KIAA1549L: variants seen among roughly 807,000 people sequenced by gnomAD.
The protein encoded by KIAA1549L is KIAA1549 like.
Under a neutral mutation model 160.7 loss-of-function variants are expected in KIAA1549L, and 88 were observed. That is an observed-to-expected ratio of 0.55 (90% confidence interval 0.46 to 0.65). KIAA1549L has a LOEUF of 0.65. KIAA1549L is among the 30% of genes least tolerant of loss of function. KIAA1549L has a pLI of 0.00. For synonymous variants in KIAA1549L, 950 were observed against 976.7 expected, an observed-to-expected ratio of 0.97 and a Z score of 0.51; for missense variants, 2,258 against 2,437.5, an observed-to-expected ratio of 0.93 and a Z score of 1.55.
intron 1 of KIAA1549L, among the ~76,000 whole-genome samples, chr11:33,477,143 G>A (rs1852303230): frequency 6.6e-6 from 1 of 152,142 alleles, no homozygotes; most frequent in South Asian, 2.1e-4. Flanking sequence ...TTCAGTAGTA[G>A]CAGAGCTGTG....
chr11:33,393,649 G>A (rs967139843), intron 1 of KIAA1549L, among the ~76,000 whole-genome samples: 8 of 152,180 alleles, frequency 5.3e-5, no homozygotes, highest in East Asian at 1.9e-4. Context: ...AGGAACAACC[G>A]AGGCATGTTG....
chr11:33,603,409 CAA>C (rs1304443513), intron 13 of KIAA1549L, among the ~76,000 whole-genome samples: 1 of 151,966 alleles, frequency 6.6e-6, no homozygotes, highest in African/African-American at 2.4e-5. Flanking sequence ...ACTTGAAAAG[CAA>C]GAGAGAACTG....
At chr11:33,565,375 A>G (rs1247723460) in intron 8 of KIAA1549L, among the ~76,000 whole-genome samples, 2 of 152,186 alleles carry the variant, frequency 1.3e-5, no homozygotes, top group Non-Finnish European at 2.9e-5. Context: ...CGTTCCCTCA[A>G]GGGCCTTATG....
At chr11:33,626,864 G>A (rs1727738334) in intron 16 of KIAA1549L, among the ~76,000 whole-genome samples, 1 of 10,264 alleles carries the variant, frequency 9.7e-5, no homozygotes, top group Non-Finnish European at 1.9e-4. Context: ...TCCAGTTTTT[G>A]CCCATTCAGT....
Position 33,425,470 on chromosome 11 carries a change from A to G in KIAA1549L, c.238+48581A>G, listed in dbSNP as rs1851097239. On this transcript the variant is annotated intron_variant, in intron 1 of 20. Coordinates refer to ENST00000658780, the MANE Select transcript of KIAA1549L (RefSeq NM_012194.3). ...TTTTATACTTTGTACTGTAGCTTTC[A>G]TTGGAGAAGCCCTGGGCTCATAAGA... Among the ~76,000 whole-genome samples the G allele has an allele frequency of 2.6e-5, 4 of 152,312 alleles. No individual in the cohort carries two copies. The South Asian group carries it at 8.3e-4, about 32-fold the overall frequency.
chr11:33,569,176 A>G (rs889913240), intron 9 of KIAA1549L, among the ~76,000 whole-genome samples: 1 of 152,140 alleles, frequency 6.6e-6, no homozygotes, highest in Non-Finnish European at 1.5e-5. Context: ...AGCCATCCCC[A>G]GGAGTAGAGA....
chr11:33,650,113 G>A (rs1851843782), intron 17 of KIAA1549L, among the ~76,000 whole-genome samples: 2 of 152,168 alleles, frequency 1.3e-5, no homozygotes, highest in Non-Finnish European at 2.9e-5. Context: ...CCAGCTCGCA[G>A]GAGTCCTTGA....
intron 6 of KIAA1549L, among the ~76,000 whole-genome samples, chr11:33,557,714 C>G (rs1183705639): frequency 6.6e-6 from 1 of 152,168 alleles, no homozygotes; most frequent in East Asian, 1.9e-4. Context: ...AAGTGAGATA[C>G]TGTTTCTACA....
intron 1 of KIAA1549L, among the ~76,000 whole-genome samples, chr11:33,520,713 AC>A (rs2133124917): frequency 6.8e-6 from 1 of 147,454 alleles, no homozygotes; most frequent in South Asian, 2.2e-4. Context: ...ACACACACAC[AC>A]ACACACACAC....
At chr11:33,387,058 G>T (rs1054080439) in intron 1 of KIAA1549L, among the ~76,000 whole-genome samples, 1 of 151,892 alleles carries the variant, frequency 6.6e-6, no homozygotes, top group Non-Finnish European at 1.5e-5. Context: ...AGTGAGTCGG[G>T]ATTGTGCCAC....
intron 16 of KIAA1549L, among the ~76,000 whole-genome samples, chr11:33,620,045 G>A (rs906371641): frequency 1.4e-4 from 21 of 152,330 alleles, no homozygotes; most frequent in African/African-American, 4.8e-4. Flanking sequence ...TAGTGAGATT[G>A]TAGGCAAAGA....
Position 33,580,587 on chromosome 11 carries a change from A to AG in KIAA1549L, c.4403-2751_4403-2750insG, listed in dbSNP as rs770594737. Among the ~76,000 whole-genome samples the AG allele has an allele frequency of 9.3e-3, 1,187 of 127,396 alleles. 12 individuals carry two copies. Among genetic ancestry groups the AG allele is most frequent in the African/African-American group, 0.036 (917 of 25,740 alleles). 83.6% of individuals were successfully genotyped at this position (127,396 alleles called of 152,430 possible). A position where few individuals can be genotyped will look rare whatever the true frequency, so the allele number is the denominator to read the frequency against. On this transcript the variant is annotated intron_variant, in intron 10 of 20. Coordinates refer to ENST00000658780, the MANE Select transcript of KIAA1549L (RefSeq NM_012194.3). ...ATTCTGCCTCAAAAAAAAAAAAAAA[A>AG]AAAAGAAAAGAAAAGAAAAAAAAAG...
chr11:33,598,748 AT>A (rs2133304340), intron 12 of KIAA1549L, 71 bp from the exon 13 acceptor site: 1 of 1,564,316 alleles, frequency 6.4e-7, no homozygotes, highest in African/African-American at 1.4e-5. Context: ...AACTGTGCAA[AT>A]AAAATAACCT....
chr11:33,437,141 G>A (rs1382155150), intron 1 of KIAA1549L, among the ~76,000 whole-genome samples: 1 of 152,174 alleles, frequency 6.6e-6, no homozygotes, highest in Non-Finnish European at 1.5e-5. Flanking sequence ...CTGCTGGGAT[G>A]AGTATGTTAA....
chr11:33,376,515 G>C lies in KIAA1549L; in HGVS notation c.-137G>C, dbSNP rs1179302433. 2 of 148,356 alleles carry C rather than the reference G, an allele frequency of 1.3e-5. No homozygotes were observed. The highest frequency in any genetic ancestry group is 4.9e-5 in the African/African-American group (2 of 40,966). The allele number at this position is 148,356 out of a possible 1,614,324, so 9.2% of individuals were successfully genotyped here. ...CGGGCGCGGCAGGACGAGCGAGCCA[G>C]TCGCGCCGCTCGGCGCCCCCTCCCT... On this transcript the variant is annotated 5_prime_UTR_variant, in exon 1 of 21. Transcript: ENST00000658780. The surrounding 1 kb of genome is among the most constrained non-coding windows in gnomAD (Gnocchi z 5.8).
At chr11:33,480,431 T>C (rs1852386300) in intron 1 of KIAA1549L, among the ~76,000 whole-genome samples, 1 of 152,246 alleles carries the variant, frequency 6.6e-6, no homozygotes, top group African/African-American at 2.4e-5. Context: ...TGCTCGTTCA[T>C]GAGTGAATGG....
intron 1 of KIAA1549L, among the ~76,000 whole-genome samples, chr11:33,482,902 A>G (rs1448220788): frequency 6.6e-6 from 1 of 152,046 alleles, no homozygotes; most frequent in Non-Finnish European, 1.5e-5. Flanking sequence ...AAAAAGTTAT[A>G]CTAGATTTAT....
rs1284719914 is a variant in KIAA1549L at position 33,652,633 on chromosome 11, G to C, written c.5761-3379G>C. Among the ~76,000 whole-genome samples the C allele has an allele frequency of 3.3e-5, 5 of 152,336 alleles. No homozygotes were observed. The East Asian group carries it at 9.6e-4, about 29-fold the overall frequency. On this transcript the variant is annotated intron_variant, in intron 17 of 20. Transcript: ENST00000658780. The stretch of plus-strand genomic sequence containing the variant: ...AACCTGAGATAAAAATAGGTTGTCT[G>C]TCTCCTCCGCTGAATAGCATGAGAG...
intron 13 of KIAA1549L, among the ~76,000 whole-genome samples, chr11:33,605,986 G>T (rs193171309): frequency 1.3e-5 from 2 of 152,210 alleles, no homozygotes; most frequent in East Asian, 1.9e-4. Flanking sequence ...TTAACAGAGC[G>T]TAGGTAGAAA....
Sources: gnomAD v4.1 joint callset for allele counts (sites outside exome capture counted in the v4.1 genomes callset) on GRCh38, gnomAD v4.1.1 for gene constraint, Gnocchi (gnomAD v3.1) non-coding constraint, MANE v1.5 for transcripts, NCBI Gene and HGNC (gene_info 2026-07-23, HGNC 2026-07-21) for gene names.